The following NME7 variants were observed in gnomAD, a reference collection of about 807,000 sequenced individuals.
NME7 encodes the protein NME/NM23 family member 7.
In NME7, 41 loss-of-function variants were observed where a neutral mutation model predicts 49.1. That is an observed-to-expected ratio of 0.83 (90% CI 0.65 to 1.08). The LOEUF is 1.08. Among genes scored for constraint, NME7 ranks in the 50% least tolerant of loss-of-function variants. NME7 has a pLI of 0.00. For missense variants in NME7, 423 were observed against 463.4 expected (o/e 0.91, Z 0.80); for synonymous variants, 139 against 150.6 (o/e 0.92, Z 0.56).
At chr1:169,306,795 C>A (rs1382204004) in intron 4 of NME7, among the ~76,000 whole-genome samples, 2 of 152,064 alleles carry the variant, frequency 1.3e-5, no homozygotes, top group African/African-American at 2.4e-5. Flanking sequence ...AGGCAGGAGA[C>A]TCACTTGAGG....
chr1:169,193,439 G>GTGGC (rs1166598209), intron 10 of NME7, among the ~76,000 whole-genome samples: 8 of 152,166 alleles, frequency 5.3e-5, no homozygotes, highest in African/African-American at 1.9e-4. Flanking sequence ...ACTGGTGTCA[G>GTGGC]TGGCTTTTAC....
intron 10 of NME7, among the ~76,000 whole-genome samples, chr1:169,214,347 C>G (rs1439069917): frequency 6.6e-6 from 1 of 152,220 alleles, no homozygotes; most frequent in African/African-American, 2.4e-5. Context: ...AAGAAGGGAA[C>G]AGCCTTGTTT....
chr1:169,315,673 A>G (rs923823547), intron 3 of NME7, among the ~76,000 whole-genome samples: 2 of 152,234 alleles, frequency 1.3e-5, no homozygotes, highest in Non-Finnish European at 2.9e-5. Flanking sequence ...TATGTCCTCT[A>G]GACACATGCA....
At chr1:169,311,133 T>C (rs1470785643) in intron 3 of NME7, among the ~76,000 whole-genome samples, 1 of 152,032 alleles carries the variant, frequency 6.6e-6, no homozygotes, top group East Asian at 1.9e-4. Context: ...AATTCAAATA[T>C]CCTGGCCGGG....
chr1:169,217,194 G>A (rs1660994993), intron 10 of NME7, among the ~76,000 whole-genome samples: 1 of 152,136 alleles, frequency 6.6e-6, no homozygotes, highest in Non-Finnish European at 1.5e-5. Flanking sequence ...ACAAACCCAA[G>A]TATAGCACTC....
intron 7 of NME7, among the ~76,000 whole-genome samples, chr1:169,238,477 G>GCACACA (rs138287537): frequency 0.1 from 12,845 of 123,790 alleles, 636 homozygotes; most frequent in Admixed American, 0.13. Context: ...ATGCACAAAG[G>GCACACA]CACACACACA....
At chr1:169,173,768 T>C (rs1385926950) in intron 10 of NME7, among the ~76,000 whole-genome samples, 1 of 152,214 alleles carries the variant, frequency 6.6e-6, no homozygotes, top group Non-Finnish European at 1.5e-5. Flanking sequence ...GCTTAAACTC[T>C]GGTGAAGACC....
chr1:169,345,426 C>T (rs75648227), intron 1 of NME7, among the ~76,000 whole-genome samples: 2,212 of 151,912 alleles, frequency 0.015, 58 homozygotes, highest in African/African-American at 0.05. Flanking sequence ...ATGGGGGGGT[C>T]TCACTATGTT....
chr1:169,266,471 T>C lies in NME7; in HGVS notation c.754+20832A>G, dbSNP rs1054285512. 1.8e-4 allele frequency among the ~76,000 whole-genome samples: 24 copies of C among 134,106 alleles called. 6 individuals are homozygous for C. Among genetic ancestry groups the C allele is most frequent in the Admixed American group, 3.6e-4 (5 of 13,728 alleles). The allele number at this position is 134,106 out of a possible 152,430, so 88.0% of individuals were successfully genotyped here. A position where few individuals can be genotyped will look rare whatever the true frequency, so the allele number is the denominator to read the frequency against. The stretch of plus-strand genomic sequence containing the variant: ...ACTTCAAAATAATAATAGTCATCAA[T>C]GACAAACCCACAGTCAACATCATGC... On this transcript the variant is annotated intron_variant, in intron 7 of 11. Coordinates refer to ENST00000367811, the MANE Select transcript of NME7 (RefSeq NM_013330.5).
chr1:169,298,273 T>C (rs1392788091), intron 6 of NME7, among the ~76,000 whole-genome samples: 2 of 152,174 alleles, frequency 1.3e-5, no homozygotes, highest in Non-Finnish European at 2.9e-5. Context: ...ATTCAATAAT[T>C]CAAACATTTA....
intron 10 of NME7, among the ~76,000 whole-genome samples, chr1:169,220,393 C>T (rs1661105580): frequency 6.6e-6 from 1 of 152,144 alleles, no homozygotes; most frequent in African/African-American, 2.4e-5. Flanking sequence ...AACCATCCCA[C>T]TTTTCCTGGG....
chr1:169,255,603 A>G (rs1648892816), intron 7 of NME7, among the ~76,000 whole-genome samples: 1 of 126,958 alleles, frequency 7.9e-6, no homozygotes, highest in Admixed American at 7.6e-5. Flanking sequence ...TGATCCTGTC[A>G]TTATGATGTT....
At chr1:169,146,539 G>C (rs1459339091) in intron 11 of NME7, among the ~76,000 whole-genome samples, 1 of 152,162 alleles carries the variant, frequency 6.6e-6, no homozygotes, top group Non-Finnish European at 1.5e-5. Flanking sequence ...CTTCCCAGGG[G>C]TTAAATCAGA....
At position 169,323,279 on chromosome 1, in the gene NME7, T is replaced by A; in HGVS notation, c.116A>T (p.Asp39Val). Reference sequence around the variant, plus strand: ...TAAAAAGGTGCGATGATTCTTTACATCATGCTAGAACCAGACACAACAATA... The same window carrying A: ...TAAAAAGGTGCGATGATTCTTTACAACATGCTAGAACCAGACACAACAATA... Reference protein sequence around the residue: ...YPGDGSVEMHDVKNHRTFLKR... With the variant: ...YPGDGSVEMHVVKNHRTFLKR... Residue 39 changes from aspartate to valine, a missense_variant, in exon 3 of 12, where the codon GAT (aspartate) becomes GTT (valine). Physicochemically the swap from Asp to Val is radical, Grantham distance 152 (BLOSUM62 -3). Transcript: ENST00000367811. The A allele has an allele frequency of 1.3e-6, 2 of 1,594,218 alleles. No homozygotes were observed. Among genetic ancestry groups the A allele is most frequent in the Non-Finnish European group, 1.7e-6 (2 of 1,171,888 alleles).
intron 3 of NME7, among the ~76,000 whole-genome samples, chr1:169,320,149 C>T (rs1651799243): frequency 6.6e-6 from 1 of 152,122 alleles, no homozygotes. Flanking sequence ...CAAATTGTAT[C>T]GTGTCTCCAA....
chr1:169,141,730 A>C (rs1200323278), intron 11 of NME7, among the ~76,000 whole-genome samples: 1 of 152,236 alleles, frequency 6.6e-6, no homozygotes, highest in African/African-American at 2.4e-5. Flanking sequence ...AATAGAAATA[A>C]AAATTTTTTA....
At chr1:169,356,150 C>G (rs899507722) in intron 1 of NME7, among the ~76,000 whole-genome samples, 1 of 152,154 alleles carries the variant, frequency 6.6e-6, no homozygotes, top group Non-Finnish European at 1.5e-5. Flanking sequence ...TTGTGCCTTT[C>G]TGCTCCCTGA....
chr1:169,154,323 T>A (rs1659002053), intron 11 of NME7, among the ~76,000 whole-genome samples: 1 of 152,142 alleles, frequency 6.6e-6, no homozygotes, highest in Non-Finnish European at 1.5e-5. Flanking sequence ...GAAATGTGTA[T>A]CTTCAAAACA....
chr1:169,283,304 A>C (rs1473452211), intron 7 of NME7, among the ~76,000 whole-genome samples: 1 of 152,054 alleles, frequency 6.6e-6, no homozygotes, highest in Non-Finnish European at 1.5e-5. Context: ...CTTGGTAAAT[A>C]TTCCTCCATC....
Sources: allele counts gnomAD v4.1 joint callset (sites outside exome capture counted in the v4.1 genomes callset), GRCh38; gene constraint gnomAD v4.1.1; transcripts MANE v1.5; gene names NCBI Gene and HGNC (gene_info 2026-07-23, HGNC 2026-07-21).